Variants in YAF2 observed in about 807,000 individuals in gnomAD.
The protein encoded by YAF2 is YY1 associated factor 2, also known as YY1-associated factor 2.
Under a neutral mutation model 20.1 loss-of-function variants are expected in YAF2, and 7 were observed. That is an observed-to-expected ratio of 0.35 (90% CI 0.20 to 0.65). The LOEUF is 0.65. Among genes scored for constraint, YAF2 ranks in the 30% least tolerant of loss-of-function variants. The pLI is 0.69. For missense variants in YAF2, 151 were observed against 219.2 expected (o/e 0.69, Z 1.96); for synonymous variants, 74 against 76.0 (o/e 0.97, Z 0.14).
At chr12:42,169,281 T>TC (rs2065985904) in intron 2 of YAF2, among the ~76,000 whole-genome samples, 1 of 152,222 alleles carries the variant, frequency 6.6e-6, no homozygotes, top group African/African-American at 2.4e-5. Context: ...TTCTTATTCC[T>TC]CTTCCTACCT....
chr12:42,169,733 T>G (rs1415986254), intron 2 of YAF2, among the ~76,000 whole-genome samples: 7 of 152,004 alleles, frequency 4.6e-5, no homozygotes, highest in African/African-American at 1.7e-4. Context: ...CTTTTCATGT[T>G]GAATACAAGC....
At position 42,212,034 on chromosome 12, in the gene YAF2, C is replaced by CA. The variant is rs60172480; in HGVS notation, c.152+25564dup. Among the ~76,000 whole-genome samples the CA allele has an allele frequency of 7.0e-3, 951 of 136,164 alleles. 6 individuals are homozygous for CA. The highest frequency in any genetic ancestry group is 0.022 in the African/African-American group (837 of 37,504). The allele number at this position is 136,164 out of a possible 152,430, so 89.3% of individuals were successfully genotyped here. A position where few individuals can be genotyped will look rare whatever the true frequency, so the allele number is the denominator to read the frequency against. On this transcript the variant is annotated intron_variant, in intron 2 of 3. Transcript: ENST00000534854. ...TGGGAGACACAGCAAGATTTCATCT[C>CA]AAAAAAAAAAAAGTCTTTAACCATT...
rs554461465 is a variant in YAF2 at position 42,205,330 on chromosome 12, C to T, written c.152+32269G>A. Reference sequence around the variant, plus strand: ...TATTTCCGGAATCAACTGCAAACAACCAGCTTTGACTGATCACGACATTGT... The same window carrying T: ...TATTTCCGGAATCAACTGCAAACAATCAGCTTTGACTGATCACGACATTGT... On this transcript the variant is annotated intron_variant, in intron 2 of 3. Transcript: ENST00000534854. Among the ~76,000 whole-genome samples, 4 of 151,830 alleles carry T rather than the reference C, an allele frequency of 2.6e-5. No individual in the cohort carries two copies. In the South Asian group the frequency reaches 8.3e-4, roughly 32 times the overall value.
intron 2 of YAF2, among the ~76,000 whole-genome samples, chr12:42,204,718 G>A (rs1249579491): frequency 6.6e-6 from 1 of 152,128 alleles, no homozygotes; most frequent in African/African-American, 2.4e-5. Context: ...CACATACGAT[G>A]ATGTATTATT....
At chr12:42,218,359 T>C (rs1227906063) in intron 2 of YAF2, among the ~76,000 whole-genome samples, 2 of 152,158 alleles carry the variant, frequency 1.3e-5, no homozygotes, top group African/African-American at 4.8e-5. Flanking sequence ...GACTGATGAA[T>C]ATGGTTTGTC....
intron 2 of YAF2, chr12:42,205,725 C>A: frequency 4.6e-6 from 1 of 216,888 alleles, no homozygotes. Context: ...TTATTATTTC[C>A]TCTTCTTCCT....
At chr12:42,199,306 A>C in intron 2 of YAF2, 1 of 830,672 alleles carries the variant, frequency 1.2e-6, no homozygotes, top group East Asian at 7.2e-5. Flanking sequence ...CAATAGTTTA[A>C]ATCCATCAAA....
chr12:42,198,245 T>C (rs1035208346), intron 2 of YAF2, among the ~76,000 whole-genome samples: 1 of 152,170 alleles, frequency 6.6e-6, no homozygotes, highest in Non-Finnish European at 1.5e-5. Flanking sequence ...CTAGCCCTCA[T>C]AGAGGATCTG....
chr12:42,233,733 A>C (rs2068050934), intron 2 of YAF2: 1 of 972,662 alleles, frequency 1.0e-6, no homozygotes, highest in Non-Finnish European at 1.2e-6. Flanking sequence ...GGTTGGTCTC[A>C]AACTCCTGGC....
intron 2 of YAF2, chr12:42,231,779 A>C (rs2067992000): frequency 6.6e-6 from 1 of 152,218 alleles, no homozygotes; most frequent in Non-Finnish European, 1.5e-5. Context: ...AGAAACTCTA[A>C]AGCTCATTGT....
intron 2 of YAF2, among the ~76,000 whole-genome samples, chr12:42,228,642 G>C (rs1346354608): frequency 1.2e-5 from 1 of 81,970 alleles, no homozygotes. Context: ...CAGCCGCCCC[G>C]TCCGGGAGGG....
At chr12:42,196,471 C>T (rs1265809320) in intron 2 of YAF2, among the ~76,000 whole-genome samples, 1 of 152,016 alleles carries the variant, frequency 6.6e-6, no homozygotes, top group Non-Finnish European at 1.5e-5. Context: ...AGAAGATGTC[C>T]CTTTGGCTAT....
At chr12:42,220,453 G>A (rs1045148713) in intron 2 of YAF2, among the ~76,000 whole-genome samples, 2 of 152,192 alleles carry the variant, frequency 1.3e-5, no homozygotes, top group Non-Finnish European at 2.9e-5. Flanking sequence ...AACTGTTGGT[G>A]AAGTAAAGAA....
chr12:42,217,744 G>A (rs1234814091), intron 2 of YAF2, among the ~76,000 whole-genome samples: 1 of 152,056 alleles, frequency 6.6e-6, no homozygotes, highest in Non-Finnish European at 1.5e-5. Flanking sequence ...CCTCAGGAAG[G>A]AAACAAATAT....
At chr12:42,169,177 C>T (rs761291975) in intron 2 of YAF2, among the ~76,000 whole-genome samples, 3 of 152,186 alleles carry the variant, frequency 2.0e-5, no homozygotes, top group African/African-American at 4.8e-5. Flanking sequence ...TATGCCAAAA[C>T]CAAAAGACAG....
chr12:42,176,305 G>C (rs2066191411), intron 2 of YAF2, among the ~76,000 whole-genome samples: 2 of 151,630 alleles, frequency 1.3e-5, no homozygotes, highest in Admixed American at 1.3e-4. Flanking sequence ...ATTTTAAATA[G>C]AGATGGGGTT....
chr12:42,227,716 C>A (rs548334235), intron 2 of YAF2, among the ~76,000 whole-genome samples: 3 of 149,220 alleles, frequency 2.0e-5, no homozygotes, highest in Admixed American at 6.6e-5. Flanking sequence ...GGAGCGTCTC[C>A]GCCCGGCAGC....
At chr12:42,205,833 C>T (rs755172994) in intron 2 of YAF2, 1 of 353,334 alleles carries the variant, frequency 2.8e-6, no homozygotes, top group African/African-American at 2.1e-5. Flanking sequence ...ATAAATTTAT[C>T]CCCAAGTACC....
In YAF2 at chr12:42,188,633, AC is replaced by A. The variant is rs1206892880; in HGVS notation, c.153-26869del. On this transcript the variant is annotated intron_variant, in intron 2 of 3. Transcript: ENST00000534854. Reference sequence around the variant, plus strand: ...CTCCTGGCCACATGTAGATCCACCTACCTATGCCTCCCAAAGTGCTGGGATT... The same window carrying A: ...CTCCTGGCCACATGTAGATCCACCTACTATGCCTCCCAAAGTGCTGGGATT... Among the ~76,000 whole-genome samples the A allele has an allele frequency of 8.6e-5, 13 of 151,972 alleles. No individual in the cohort carries two copies. The East Asian group carries it at 1.7e-3, about 20-fold the overall frequency.
Sources: gnomAD v4.1 joint callset for allele counts (sites outside exome capture counted in the v4.1 genomes callset) on GRCh38, gnomAD v4.1.1 for gene constraint, MANE v1.5 for transcripts, NCBI Gene and HGNC (gene_info 2026-07-23, HGNC 2026-07-21) for gene names.